The following PSG11 variants were observed in gnomAD, a reference collection of about 807,000 sequenced individuals.
PSG11 encodes pregnancy-specific beta-1-glycoprotein 11.
Under a neutral mutation model 36.0 loss-of-function variants are expected in PSG11, and 42 were observed. The observed-to-expected ratio is 1.17, with a 90% CI of 0.91 to 1.51. PSG11 has a LOEUF of 1.51. PSG11 is among the 40% of genes most tolerant of loss of function. PSG11 has a pLI of 0.00. For missense variants in PSG11, 558 were observed against 403.5 expected (o/e 1.38, Z -3.28); for synonymous variants, 206 against 153.5 (o/e 1.34, Z -2.53).
intron 2 of PSG11, among the ~76,000 whole-genome samples, chr19:43,022,608 T>G (rs117189258): frequency 0.015 from 2,309 of 151,124 alleles, 114 homozygotes; most frequent in East Asian, 0.097. Context: ...ATTTGTGTGT[T>G]TGTGTGTGTG....
Position 43,018,778 on chromosome 19 carries a change from T to C in PSG11, c.701A>G (p.Asn234Ser), listed in dbSNP as rs1228280314. 1 of 1,612,050 alleles carries C rather than the reference T, an allele frequency of 6.2e-7. No homozygotes were observed. Among genetic ancestry groups the C allele is most frequent in the Admixed American group, 1.7e-5 (1 of 59,874 alleles). ...SASRSDPVTL[N>S]LLHGPDLPRI... ...GAACAGAAGATACTCACGGAGGAGA[T>C]TCAGGGTGACTGGGTCACTGCGGCT... Residue 234 changes from asparagine (N) to serine (S), a missense_variant, in exon 3 of 6, where the codon AAT (asparagine) becomes AGT (serine). By Grantham distance (46) the Asn-to-Ser change is conservative. Transcript: ENST00000320078.
intron 3 of PSG11, chr19:43,015,937 C>T (rs764786200): frequency 6.2e-7 from 1 of 1,610,022 alleles, no homozygotes; most frequent in Non-Finnish European, 8.5e-7. Context: ...ATTTAGCCAC[C>T]AAATGTAGGC....
chr19:43,020,091 G>C (rs1237773918), intron 2 of PSG11, among the ~76,000 whole-genome samples: 2 of 151,320 alleles, frequency 1.3e-5, no homozygotes, highest in Non-Finnish European at 2.9e-5. Context: ...CCAGGAGCTG[G>C]GATCAGGGGA....
Position 43,010,072 on chromosome 19 carries a change from G to A in PSG11, c.965-31C>T, listed in dbSNP as rs774705181. ...ATGGAAAGAAAAGAAAAGAAGGAAT[G>A]AAGGTGATGTTATTTTACATGGGGG... On this transcript the variant is annotated intron_variant, in intron 4 of 5. Coordinates refer to ENST00000320078, the MANE Select transcript of PSG11 (RefSeq NM_002785.3). The A allele has an allele frequency of 1.3e-6, 2 of 1,599,404 alleles. 1 individual carries two copies. Among genetic ancestry groups the A allele is most frequent in the African/African-American group, 2.7e-5 (2 of 74,128 alleles).
intron 1 of PSG11, 102 bp downstream of exon 1, chr19:43,026,207 C>T: frequency 2.6e-6 from 4 of 1,539,482 alleles, no homozygotes; most frequent in Non-Finnish European, 3.6e-6. Context: ...TCCCTAAATG[C>T]TGGCTTTTTT....
intron 2 of PSG11, among the ~76,000 whole-genome samples, chr19:43,021,126 T>A (rs1967091914): frequency 6.6e-6 from 1 of 151,466 alleles, no homozygotes; most frequent in South Asian, 2.1e-4. Context: ...AAGTATGTGT[T>A]ACAGCCTTTG....
intron 2 of PSG11, 24 bp downstream of exon 2, chr19:43,024,667 C>T: frequency 6.2e-7 from 1 of 1,609,508 alleles, no homozygotes; most frequent in South Asian, 1.1e-5. Context: ...CCCCAACACC[C>T]AGGGATCATG....
Position 43,014,610 on chromosome 19 carries a change from G to T in PSG11, c.964+506C>A, listed in dbSNP as rs1299475755. On this transcript the variant is annotated intron_variant, in intron 4 of 5. Transcript: ENST00000320078. Reference sequence around the variant, plus strand: ...TCCCACCCCAGGTTGAGTGAGGCAGGGCCAGTCACCAGAGGAGCCCGGAGC... The same window carrying T: ...TCCCACCCCAGGTTGAGTGAGGCAGTGCCAGTCACCAGAGGAGCCCGGAGC... 1.9e-5 allele frequency: 20 copies of T among 1,043,626 alleles called. No individual in the cohort carries two copies. In the South Asian group the frequency reaches 8.0e-4, roughly 42 times the overall value. 64.6% of individuals were successfully genotyped at this position (1,043,626 alleles called of 1,614,324 possible).
chr19:43,022,506 G>T (rs190657513), intron 2 of PSG11, among the ~76,000 whole-genome samples: 1 of 151,360 alleles, frequency 6.6e-6, no homozygotes, highest in Non-Finnish European at 1.5e-5. Context: ...CACTGGGGAG[G>T]CTGATTTCAG....
In PSG11 at chr19:43,015,308, C is replaced by A. The variant is rs745836316; in HGVS notation, c.772G>T (p.Asp258Tyr). Reference sequence around the variant, plus strand: ...TTAGAGTTTGCGAAGCAGGACAAGTCGAGGTTCTCTCCTGAATAGTAAGAG... The same window carrying A: ...TTAGAGTTTGCGAAGCAGGACAAGTAGAGGTTCTCTCCTGAATAGTAAGAG... Reference protein sequence around the residue: ...VTSYYSGENLDLSCFANSNPP... With the variant: ...VTSYYSGENLYLSCFANSNPP... The change falls in exon 4 of 6, where the codon GAC (aspartate) becomes TAC (tyrosine). Residue 258 changes from aspartate (D) to tyrosine (Y), a missense_variant. Asp to Tyr is a radical substitution (Grantham distance 160). Transcript: ENST00000320078. 1.2e-6 allele frequency: 2 copies of A among 1,610,058 alleles called. No individual in the cohort carries two copies. Among genetic ancestry groups the A allele is most frequent in the Non-Finnish European group, 1.7e-6 (2 of 1,177,262 alleles).
At chr19:43,023,655 A>C (rs1402064041) in intron 2 of PSG11, among the ~76,000 whole-genome samples, 5 of 151,150 alleles carry the variant, frequency 3.3e-5, no homozygotes, top group African/African-American at 1.2e-4. Flanking sequence ...GAACCCAGTA[A>C]GCCCTCACTT....
Position 43,017,641 on chromosome 19 carries a change from A to C in PSG11, c.709+1129T>G, listed in dbSNP as rs372012156. On this transcript the variant is annotated intron_variant, in intron 3 of 5. Transcript: ENST00000320078. Reference sequence around the variant, plus strand: ...TTAGGACAGAGTTTTCTAATTCTGCAAAAAATGTTACTGGGATTCTAGTAG... The same window carrying C: ...TTAGGACAGAGTTTTCTAATTCTGCCAAAAATGTTACTGGGATTCTAGTAG... The C allele has an allele frequency of 7.7e-4, 117 of 151,464 alleles. 3 individuals carry two copies. The highest frequency in any genetic ancestry group is 2.7e-3 in the African/African-American group (109 of 41,126). The allele number at this position is 151,464 out of a possible 1,614,324, so 9.4% of individuals were successfully genotyped here.
intron 5 of PSG11, among the ~76,000 whole-genome samples, chr19:43,008,919 A>ATG (rs754211275): frequency 2.0e-5 from 3 of 151,162 alleles, no homozygotes; most frequent in Non-Finnish European, 4.4e-5. Flanking sequence ...AAAATTACCA[A>ATG]TGCCTGGGTC....
intron 4 of PSG11, among the ~76,000 whole-genome samples, chr19:43,013,194 C>T (rs1393465593): frequency 1.3e-5 from 2 of 151,342 alleles, no homozygotes; most frequent in African/African-American, 4.9e-5. Flanking sequence ...CTTCATGATA[C>T]TGGATTTCAC....
chr19:43,016,158 A>G lies in PSG11; in HGVS notation c.710-788T>C. The G allele has an allele frequency of 2.1e-6, 3 of 1,452,404 alleles. No individual in the cohort carries two copies. The South Asian group carries it at 4.1e-5, about 20-fold the overall frequency. The allele number at this position is 1,452,404 out of a possible 1,614,324, so 90.0% of individuals were successfully genotyped here. A position where few individuals can be genotyped will look rare whatever the true frequency, so the allele number is the denominator to read the frequency against. ...CTCTCAGCCCACCCGAGTCCTTGAA[A>G]GCCAATAGCTGGTGCGTGTGTCACA... is the stretch of plus-strand genomic sequence containing the variant. On this transcript the variant is annotated intron_variant, in intron 3 of 5. Transcript: ENST00000320078.
chr19:43,010,596 A>G (rs867741511), intron 4 of PSG11: 2 of 376,616 alleles, frequency 5.3e-6, no homozygotes, highest in South Asian at 5.0e-5. Flanking sequence ...TCAGCCTTGC[A>G]AAAACTCTTA....
rs980876581 is a variant in PSG11, at chr19:43,015,246, C to G, written c.834G>C (p.Lys278Asn). ...AGAGCTTTTGTCCTGATAGCTGAAA[C>G]TTCCCATTAATTGTCCAAGAATACT... ...PAQYSWTING[K>N]FQLSGQKLFI... Residue 278 changes from lysine (K) to asparagine (N), a missense_variant, in exon 4 of 6, where the codon AAG becomes AAC. Transcript: ENST00000320078. 2.5e-5 allele frequency: 41 copies of G among 1,611,514 alleles called. 1 individual carries two copies. Among genetic ancestry groups the G allele is most frequent in the Non-Finnish European group, 3.3e-5 (39 of 1,178,598 alleles).
intron 3 of PSG11, among the ~76,000 whole-genome samples, chr19:43,017,896 T>C (rs1462038838): frequency 6.6e-6 from 1 of 151,584 alleles, no homozygotes; most frequent in African/African-American, 2.4e-5. Flanking sequence ...CTTTCCTTAA[T>C]TTCCTTTCAG....
In PSG11 at chr19:43,025,105, G is replaced by T. The variant is rs1415946438; in HGVS notation, c.65-49C>A. The T allele has an allele frequency of 3.8e-6, 6 of 1,572,874 alleles. 1 individual carries two copies. Among genetic ancestry groups the T allele is most frequent in the Non-Finnish European group, 5.2e-6 (6 of 1,160,168 alleles). On this transcript the variant is annotated intron_variant, in intron 1 of 5. Coordinates refer to ENST00000320078, the MANE Select transcript of PSG11 (RefSeq NM_002785.3). ...TCAATATTGAGACCTATGTATTGGG[G>T]TGAAAAGATGGGGCCCTGAGTCCTG...
Sources: gnomAD v4.1 joint callset for allele counts (sites outside exome capture counted in the v4.1 genomes callset) on GRCh38, gnomAD v4.1.1 for gene constraint, MANE v1.5 for transcripts, NCBI Gene and HGNC (gene_info 2026-07-23, HGNC 2026-07-21) for gene names.